The following EFCAB5 variants were observed in gnomAD, a reference collection of about 807,000 sequenced individuals.
EFCAB5 encodes the protein EF-hand calcium binding domain 5.
In EFCAB5, 131 loss-of-function variants were observed where a neutral mutation model predicts 167.9. The observed-to-expected ratio is 0.78, with a 90% CI of 0.68 to 0.90. The LOEUF (loss-of-function observed/expected upper bound fraction) is 0.90, where lower values mean the gene tolerates loss of function less well. Ranked by LOEUF, EFCAB5 falls within the 40% of genes least tolerant of loss-of-function variation. The pLI, the probability that EFCAB5 is intolerant of heterozygous loss-of-function variation, is 0.00. For synonymous variants in EFCAB5, 574 were observed against 602.8 expected, an observed-to-expected ratio of 0.95 and a Z score of 0.70; for missense variants, 1,663 against 1,745.2, an observed-to-expected ratio of 0.95 and a Z score of 0.84.
chr17:30,080,834 C>A lies in EFCAB5; in HGVS notation c.3279C>A (p.Ser1093=). Residue 1093 remains serine (S), a synonymous_variant, in exon 17 of 23, where the codon TCC becomes TCA. Coordinates refer to ENST00000394835, the MANE Select transcript of EFCAB5 (RefSeq NM_198529.4). ...YHGNIFFWNQ[S]RNKHDYNGSF... ...GGAACATCTTCTTCTGGAACCAGTC[C>A]CGTAATAAGCATGATTATAATGGTT... is the stretch of plus-strand genomic sequence containing the variant. The A allele has an allele frequency of 6.2e-7, 1 of 1,613,740 alleles. No homozygotes were observed.
At chr17:30,098,463 T>C (rs2071334967) in intron 22 of EFCAB5, among the ~76,000 whole-genome samples, 1 of 151,138 alleles carries the variant, frequency 6.6e-6, no homozygotes, top group South Asian at 2.1e-4. Context: ...ACCCAAGAGG[T>C]TGAGGCTGCA....
chr17:29,989,780 T>C (rs1205289018), intron 4 of EFCAB5, among the ~76,000 whole-genome samples: 2 of 152,340 alleles, frequency 1.3e-5, no homozygotes, highest in South Asian at 2.1e-4. Context: ...CAGTTTCTCT[T>C]TACTTAGTGG....
Position 30,080,215 on chromosome 17 carries a change from G to T in EFCAB5, c.3171G>T (p.Val1057=). The part of the protein sequence containing the change: ...LDDAQFVLNR[V]LYRDMKGISF... ...ATGCTCAATTTGTACTGAACAGAGTGCTCTACAGGGACATGAAAGGAATCA... is the reference window on the plus strand; with the variant it reads ...ATGCTCAATTTGTACTGAACAGAGTTCTCTACAGGGACATGAAAGGAATCA... The change falls in exon 16 of 23, where the codon GTG becomes GTT. Residue 1057 remains valine (V), a synonymous_variant. Transcript: ENST00000394835. 1.2e-6 allele frequency: 2 copies of T among 1,600,564 alleles called. No homozygotes were observed. Among genetic ancestry groups the T allele is most frequent in the Non-Finnish European group, 1.7e-6 (2 of 1,176,114 alleles).
intron 19 of EFCAB5, among the ~76,000 whole-genome samples, chr17:30,088,660 C>A (rs1308415495): frequency 6.6e-6 from 1 of 152,142 alleles, no homozygotes; most frequent in Non-Finnish European, 1.5e-5. Flanking sequence ...AAAATGTGTA[C>A]AAATGTAAAC....
chr17:30,067,406 A>G (rs1486417787), intron 14 of EFCAB5, among the ~76,000 whole-genome samples: 8 of 152,172 alleles, frequency 5.3e-5, no homozygotes, highest in African/African-American at 9.7e-5. Context: ...CTTGAGCCCA[A>G]TAGTTTGAGA....
chr17:30,084,591 G>A (rs1188559585), intron 18 of EFCAB5, among the ~76,000 whole-genome samples: 2 of 152,114 alleles, frequency 1.3e-5, no homozygotes, highest in African/African-American at 4.8e-5. Flanking sequence ...GGTTGTGAGT[G>A]AGATCATGGT....
intron 4 of EFCAB5, among the ~76,000 whole-genome samples, chr17:29,976,740 T>C (rs1219942999): frequency 6.6e-6 from 1 of 152,176 alleles, no homozygotes; most frequent in Non-Finnish European, 1.5e-5. Flanking sequence ...TTAATGAGAC[T>C]CTATCTTCTT....
chr17:30,051,442 C>G (rs936928538), intron 9 of EFCAB5, among the ~76,000 whole-genome samples: 2 of 152,078 alleles, frequency 1.3e-5, no homozygotes, highest in Non-Finnish European at 2.9e-5. Flanking sequence ...GTGCAATACT[C>G]AAAAATTTTA....
At chr17:30,094,517 A>T (rs904751530) in intron 22 of EFCAB5, among the ~76,000 whole-genome samples, 1 of 148,470 alleles carries the variant, frequency 6.7e-6, no homozygotes, top group Non-Finnish European at 1.5e-5. Flanking sequence ...CAAAAAAAAA[A>T]AAAAAAAAAA....
At chr17:30,097,060 A>ATATT (rs1273316544) in intron 22 of EFCAB5, among the ~76,000 whole-genome samples, 29 of 65,594 alleles carry the variant, frequency 4.4e-4, no homozygotes, top group African/African-American at 1.2e-3. Flanking sequence ...ATATATATAT[A>ATATT]TTTTTTTTTT....
chr17:30,056,113 T>C lies in EFCAB5; in HGVS notation c.2322T>C (p.Asp774=), dbSNP rs1277995955. Reference sequence around the variant, plus strand: ...AAATGAAGTATGTCACATTTGAAGATGAGGAACAGGCAAACTTAATCTATG... The same window carrying C: ...AAATGAAGTATGTCACATTTGAAGACGAGGAACAGGCAAACTTAATCTATG... ...NWKMKYVTFE[D]EEQANLIYGN... Residue 774 remains aspartate (D), a synonymous_variant, in exon 12 of 23, where the codon GAT becomes GAC. Coordinates refer to ENST00000394835, the MANE Select transcript of EFCAB5 (RefSeq NM_198529.4). The C allele has an allele frequency of 1.2e-6, 2 of 1,612,180 alleles. No homozygotes were observed. The highest frequency in any genetic ancestry group is 2.2e-5 in the East Asian group (1 of 44,826).
At chr17:30,071,008 T>G (rs1597764413) in intron 14 of EFCAB5, among the ~76,000 whole-genome samples, 1 of 125,398 alleles carries the variant, frequency 8.0e-6, no homozygotes, top group South Asian at 2.7e-4. Context: ...AAGACTTAAA[T>G]GTAAGACCCC....
chr17:30,039,855 C>T (rs1354203213), intron 8 of EFCAB5, among the ~76,000 whole-genome samples: 1 of 152,168 alleles, frequency 6.6e-6, no homozygotes, highest in Non-Finnish European at 1.5e-5. Context: ...CTCCCTTCTC[C>T]ACCTCCTACA....
intron 22 of EFCAB5, among the ~76,000 whole-genome samples, chr17:30,094,534 ATAAC>A (rs2071260600): frequency 1.4e-5 from 2 of 142,576 alleles, no homozygotes; most frequent in Admixed American, 6.8e-5. Flanking sequence ...AAAAAAAAAA[ATAAC>A]TGGGTGTGGT....
At chr17:30,004,787 A>ATTTTTTTTTTTTTTTTT (rs60231360) in intron 7 of EFCAB5, among the ~76,000 whole-genome samples, 3 of 115,138 alleles carry the variant, frequency 2.6e-5, no homozygotes, top group Non-Finnish European at 3.4e-5. Flanking sequence ...CTCCTGGCTA[A>ATTTTTTTTTTTTTTTTT]TTTTTTTTTT....
chr17:30,068,717 G>T, intron 14 of EFCAB5: 1 of 1,522,454 alleles, frequency 6.6e-7, no homozygotes, highest in South Asian at 1.1e-5. Flanking sequence ...GTGGGTGGCA[G>T]AGTCGATGGC....
chr17:30,056,207 T>C, intron 12 of EFCAB5, 51 bp downstream of exon 12: 1 of 1,485,484 alleles, frequency 6.7e-7, no homozygotes, highest in Non-Finnish European at 9.2e-7. Context: ...ATAGATGGAT[T>C]TAATTTACTG....
At chr17:30,003,100 G>T (rs762666446) in intron 7 of EFCAB5, among the ~76,000 whole-genome samples, 11 of 112,970 alleles carry the variant, frequency 9.7e-5, no homozygotes, top group Admixed American at 4.3e-4. Context: ...TTTTTGTAGC[G>T]GGGGGGGGGT....
rs142619983 is a variant in EFCAB5, at chr17:29,984,026, G to A, written c.768-9139G>A. 3.7e-3 allele frequency among the ~76,000 whole-genome samples: 565 copies of A among 152,070 alleles called. 2 individuals carry two copies. The highest frequency in any genetic ancestry group is 0.01 in the Middle Eastern group (3 of 294). Reference sequence around the variant, plus strand: ...ACACTTAGTACTTACCCTAAAATTCGTTTACTTATCTGTTCTGCCATTGGA... The same window carrying A: ...ACACTTAGTACTTACCCTAAAATTCATTTACTTATCTGTTCTGCCATTGGA... On this transcript the variant is annotated intron_variant, in intron 4 of 22. Transcript: ENST00000394835.
Sources: gnomAD v4.1 joint callset for allele counts (sites outside exome capture counted in the v4.1 genomes callset) on GRCh38, gnomAD v4.1.1 for gene constraint, MANE v1.5 for transcripts, NCBI Gene and HGNC (gene_info 2026-07-23, HGNC 2026-07-21) for gene names.